TSGA10: variants seen among roughly 807,000 people sequenced by gnomAD.
TSGA10 encodes testis-specific gene 10 protein.
A neutral mutation model predicts 96.6 loss-of-function variants in TSGA10; 43 were observed. The ratio of observed to expected loss-of-function variants is 0.44; its 90% CI spans 0.35 to 0.57. The LOEUF is 0.57. TSGA10 is among the 20% of genes least tolerant of loss of function. The pLI is 0.01. For missense variants in TSGA10, 703 were observed against 834.4 expected (o/e 0.84, Z 1.94); for synonymous variants, 229 against 269.9 (o/e 0.85, Z 1.48).
At chr2:99,107,299 AGAG>A (rs1336220426) in intron 7 of TSGA10, among the ~76,000 whole-genome samples, 9 of 152,226 alleles carry the variant, frequency 5.9e-5, no homozygotes, top group African/African-American at 2.2e-4. Flanking sequence ...AGCCTTCTAA[AGAG>A]GAGTCCATGG....
chr2:99,071,799 A>T lies in TSGA10; in HGVS notation c.1014T>A (p.Asp338Glu). The T allele has an allele frequency of 6.2e-7, 1 of 1,614,036 alleles. No individual in the cohort carries two copies. The highest frequency in any genetic ancestry group is 8.5e-7 in the Non-Finnish European group (1 of 1,179,900). ...RMRRQLDETN[D>E]ELAQIARERD... ...TTTCCCTGGCGATCTGGGCCAGCTC[A>T]TCATTTGTCTCATCCAATTGCCGAC... Residue 338 changes from aspartate to glutamate, a missense_variant, in exon 14 of 21, where the codon GAT (aspartate) becomes GAA (glutamate). Asp to Glu is a conservative substitution (Grantham distance 45). Transcript: ENST00000393483.
chr2:99,036,345 C>T (rs142887654), intron 16 of TSGA10, among the ~76,000 whole-genome samples: 2 of 152,174 alleles, frequency 1.3e-5, no homozygotes, highest in African/African-American at 4.8e-5. Flanking sequence ...CTTCCATCCA[C>T]CCACCCATTC....
At chr2:99,008,335 T>A (rs903922322) in intron 20 of TSGA10, among the ~76,000 whole-genome samples, 5 of 152,130 alleles carry the variant, frequency 3.3e-5, no homozygotes, top group Non-Finnish European at 7.4e-5. Context: ...TACTAAAAAT[T>A]TTTTTAACAA....
At chr2:99,071,124 A>G (rs991958787) in intron 14 of TSGA10, among the ~76,000 whole-genome samples, 4 of 152,176 alleles carry the variant, frequency 2.6e-5, no homozygotes, top group South Asian at 4.1e-4. Flanking sequence ...AAAGTGATAC[A>G]AAGTGGGGAA....
In TSGA10 at chr2:99,035,456, A is replaced by G; in HGVS notation, c.1405-17T>C. On this transcript the variant is annotated splice_polypyrimidine_tract_variant and intron_variant, in intron 16 of 20. Transcript: ENST00000393483. The stretch of plus-strand genomic sequence containing the variant: ...ATTTAAGTGCTGTAAGAATAAAATT[A>G]TATATATGTATGTATACATATATAT... 1.3e-6 allele frequency: 2 copies of G among 1,530,664 alleles called. No individual in the cohort carries two copies. Among genetic ancestry groups the G allele is most frequent in the Non-Finnish European group, 1.8e-6 (2 of 1,116,140 alleles). The allele number at this position is 1,530,664 out of a possible 1,614,324, so 94.8% of individuals were successfully genotyped here.
intron 20 of TSGA10, among the ~76,000 whole-genome samples, chr2:99,017,706 A>G (rs1040568345): frequency 6.6e-6 from 1 of 150,496 alleles, no homozygotes; most frequent in East Asian, 2.0e-4. Flanking sequence ...CGGAGCTTGC[A>G]GTGAGCCGAG....
rs562083145 is a variant in TSGA10, at chr2:99,010,728, A to C, written c.2072+7472T>G. Among the ~76,000 whole-genome samples the C allele has an allele frequency of 3.3e-5, 5 of 152,286 alleles. 1 individual carries two copies. In the East Asian group the frequency reaches 9.7e-4, roughly 29 times the overall value. Reference sequence around the variant, plus strand: ...TTGGTAGTGGTTTTGACTGGGCACAAATTTTCTTGAGCAGAGTCCAGGGGA... The same window carrying C: ...TTGGTAGTGGTTTTGACTGGGCACACATTTTCTTGAGCAGAGTCCAGGGGA... On this transcript the variant is annotated intron_variant, in intron 20 of 20. Coordinates refer to ENST00000393483, the MANE Select transcript of TSGA10 (RefSeq NM_025244.4).
chr2:99,019,743 TTCCACCCAATTC>T (rs1329808613), intron 18 of TSGA10, among the ~76,000 whole-genome samples: 2 of 152,096 alleles, frequency 1.3e-5, no homozygotes, highest in Non-Finnish European at 2.9e-5. Flanking sequence ...AGGGAGGCAA[TTCCACCCAATTC>T]TCCAGCCAAA....
intron 4 of TSGA10, among the ~76,000 whole-genome samples, chr2:99,115,804 G>A (rs145020668): frequency 0.011 from 1,630 of 152,182 alleles, 9 homozygotes; most frequent in Middle Eastern, 0.027. Context: ...ACTTGAACCC[G>A]GGAGGTGGAG....
chr2:99,133,599 T>C (rs2093200053), intron 1 of TSGA10, among the ~76,000 whole-genome samples: 1 of 152,206 alleles, frequency 6.6e-6, no homozygotes, highest in Non-Finnish European at 1.5e-5. Flanking sequence ...AAGGTTAATA[T>C]TGTTATGTTT....
chr2:99,125,865 C>CT (rs1489123406), intron 2 of TSGA10: 1 of 152,264 alleles, frequency 6.6e-6, no homozygotes, highest in Non-Finnish European at 1.5e-5. Flanking sequence ...TTACAGTTCC[C>CT]TACGTGTCCC....
Position 99,065,127 on chromosome 2 carries a change from G to C in TSGA10, c.1219-3C>G. ...ATCATTTGCCGGTTCTCAGATTCCT[G>C]AAAAGCAAACTTTAGCTATTACTTT... is the stretch of plus-strand genomic sequence containing the variant. On this transcript the variant is annotated splice_region_variant and splice_polypyrimidine_tract_variant and intron_variant, in intron 15 of 20. Coordinates refer to ENST00000393483, the MANE Select transcript of TSGA10 (RefSeq NM_025244.4). 1.2e-6 allele frequency: 2 copies of C among 1,610,196 alleles called. No homozygotes were observed. The highest frequency in any genetic ancestry group is 1.7e-6 in the Non-Finnish European group (2 of 1,178,930).
At chr2:99,101,083 G>C (rs1318610982) in intron 10 of TSGA10, among the ~76,000 whole-genome samples, 1 of 150,594 alleles carries the variant, frequency 6.6e-6, no homozygotes, top group African/African-American at 2.4e-5. Context: ...CTAACACCGT[G>C]AAACCCCATC....
chr2:99,127,584 A>G (rs556219663), intron 1 of TSGA10, among the ~76,000 whole-genome samples: 1 of 152,360 alleles, frequency 6.6e-6, no homozygotes, highest in African/African-American at 2.4e-5. Flanking sequence ...TATAGAAATA[A>G]TCCCTAGAAA....
In TSGA10 at chr2:99,097,424, T is replaced by TTA. The variant is rs1411861212; in HGVS notation, c.611+6541_611+6542dup. Among the ~76,000 whole-genome samples the TTA allele has an allele frequency of 7.2e-5, 11 of 152,252 alleles. No homozygotes were observed. The East Asian group carries it at 1.9e-3, about 27-fold the overall frequency. On this transcript the variant is annotated intron_variant, in intron 10 of 20. Coordinates refer to ENST00000393483, the MANE Select transcript of TSGA10 (RefSeq NM_025244.4). ...AACAACAGTAAGTGTTTTATTCAGT[T>TTA]TATATATATAGTTATACACACATGT...
At chr2:99,024,836 T>C (rs2080412334) in intron 17 of TSGA10, among the ~76,000 whole-genome samples, 2 of 152,336 alleles carry the variant, frequency 1.3e-5, no homozygotes, top group South Asian at 2.1e-4. Flanking sequence ...TTATAGAGTG[T>C]TTTTATCAGG....
At chr2:99,017,713 C>G (rs2079639874) in intron 20 of TSGA10, among the ~76,000 whole-genome samples, 1 of 148,738 alleles carries the variant, frequency 6.7e-6, no homozygotes, top group South Asian at 2.2e-4. Flanking sequence ...TGCAGTGAGC[C>G]GAGATCCCGC....
chr2:99,095,743 C>T (rs185712927), intron 10 of TSGA10, among the ~76,000 whole-genome samples: 429 of 152,306 alleles, frequency 2.8e-3, no homozygotes, highest in African/African-American at 5.6e-3. Flanking sequence ...CTAGTTCAAG[C>T]GATTCTCCTG....
intron 1 of TSGA10, chr2:99,154,408 A>G (rs554858554): frequency 1.3e-4 from 20 of 152,302 alleles, no homozygotes; most frequent in African/African-American, 4.6e-4. Flanking sequence ...TTTCTGATCC[A>G]CTCCATCCTG....
Sources: allele counts gnomAD v4.1 joint callset (sites outside exome capture counted in the v4.1 genomes callset), GRCh38; gene constraint gnomAD v4.1.1; transcripts MANE v1.5; gene names NCBI Gene and HGNC (gene_info 2026-07-23, HGNC 2026-07-21).